Variants in ITCH observed in about 807,000 individuals in gnomAD.
The protein encoded by ITCH is E3 ubiquitin-protein ligase Itchy homolog.
Under a neutral mutation model 126.8 loss-of-function variants are expected in ITCH, and 28 were observed. That is an observed-to-expected ratio of 0.22 (90% CI 0.16 to 0.30). ITCH has a LOEUF of 0.30. Ranked by LOEUF, ITCH falls within the 10% of genes least tolerant of loss-of-function variation. ITCH has a pLI of 1.00. For synonymous variants in ITCH, 342 were observed against 340.0 expected, an observed-to-expected ratio of 1.01 and a Z score of -0.06; for missense variants, 631 against 1,032.4, an observed-to-expected ratio of 0.61 and a Z score of 5.33.
At chr20:34,402,110 A>C in intron 3 of ITCH, 1 of 861,342 alleles carries the variant, frequency 1.2e-6, no homozygotes, top group Non-Finnish European at 1.9e-6. Flanking sequence ...GTATGATGCC[A>C]ACACCAGCTA....
chr20:34,380,500 G>A (rs2038016065), intron 2 of ITCH, among the ~76,000 whole-genome samples: 1 of 149,358 alleles, frequency 6.7e-6, no homozygotes, highest in South Asian at 2.1e-4. Context: ...TTACTCAGTT[G>A]TAAGAGTTTA....
Position 34,493,676 on chromosome 20 carries a change from T to C in ITCH, c.2416+1079T>C, listed in dbSNP as rs559717762. On this transcript the variant is annotated intron_variant, in intron 23 of 24. Coordinates refer to ENST00000374864, the MANE Select transcript of ITCH (RefSeq NM_031483.7). ...GAAGTATAAAGAGTATGCATCGTTGTAGATGTTGGGGGAGGATGCTGAGCA... is the reference window on the plus strand; with the variant it reads ...GAAGTATAAAGAGTATGCATCGTTGCAGATGTTGGGGGAGGATGCTGAGCA... 3.9e-5 allele frequency among the ~76,000 whole-genome samples: 6 copies of C among 152,278 alleles called. No individual in the cohort carries two copies. The South Asian group carries it at 1.2e-3, about 32-fold the overall frequency.
intron 16 of ITCH, chr20:34,476,480 G>A (rs1348038693): frequency 2.3e-5 from 28 of 1,212,516 alleles, no homozygotes; most frequent in South Asian, 4.1e-5. Flanking sequence ...GCCATCGCCC[G>A]CGGTCGGGAA....
intron 23 of ITCH, among the ~76,000 whole-genome samples, chr20:34,503,693 G>A (rs984974686): frequency 2.0e-5 from 3 of 152,044 alleles, no homozygotes; most frequent in African/African-American, 7.2e-5. Flanking sequence ...AAGAATGCTA[G>A]ATGAAACTGC....
intron 6 of ITCH, among the ~76,000 whole-genome samples, chr20:34,418,211 T>TGA (rs1980223561): frequency 2.0e-5 from 3 of 152,056 alleles, no homozygotes; most frequent in Admixed American, 6.6e-5. Flanking sequence ...GCAATCCTCC[T>TGA]GCTTCGGCCT....
At chr20:34,492,698 G>C (rs1445940830) in intron 23 of ITCH, 101 bp downstream of exon 23, 2 of 804,386 alleles carry the variant, frequency 2.5e-6, no homozygotes, top group Admixed American at 3.5e-5. Context: ...GACAGGGATA[G>C]CCATTTTCTT....
intron 10 of ITCH, 81 bp downstream of exon 10, chr20:34,442,384 G>C: frequency 2.8e-6 from 3 of 1,065,468 alleles, no homozygotes; most frequent in Non-Finnish European, 4.3e-6. Context: ...CTACATTTCT[G>C]TTTTACTTTT....
intron 18 of ITCH, among the ~76,000 whole-genome samples, chr20:34,480,099 A>G (rs2378204): frequency 0.45 from 67,930 of 151,692 alleles, 15,750 homozygotes; most frequent in Non-Finnish European, 0.5. Context: ...GGGTTTTGCT[A>G]TGTTGGCCAG....
chr20:34,468,799 AAAG>A (rs1987336475), intron 14 of ITCH, among the ~76,000 whole-genome samples: 1 of 151,752 alleles, frequency 6.6e-6, no homozygotes, highest in African/African-American at 2.4e-5. Flanking sequence ...TCAAAAAAAA[AAAG>A]AAAGAAAAGA....
chr20:34,373,017 G>C (rs917010390), intron 2 of ITCH, among the ~76,000 whole-genome samples: 14 of 144,854 alleles, frequency 9.7e-5, no homozygotes, highest in Middle Eastern at 3.6e-3. Flanking sequence ...TCTTGTTGCC[G>C]AGGCTGGAGT....
chr20:34,412,499 CT>C lies in ITCH; in HGVS notation c.213-10del. 1 of 1,562,294 alleles carries C rather than the reference CT, an allele frequency of 6.4e-7. No individual in the cohort carries two copies. The highest frequency in any genetic ancestry group is 8.8e-7 in the Non-Finnish European group (1 of 1,133,828). On this transcript the variant is annotated splice_polypyrimidine_tract_variant and intron_variant, in intron 4 of 24. Coordinates refer to ENST00000374864, the MANE Select transcript of ITCH (RefSeq NM_031483.7). ...TCAATAAAAATAATATTTTTTCCCT[CT>C]TTTTTCACTTTTAGTATCGTTACCC...
intron 24 of ITCH, among the ~76,000 whole-genome samples, chr20:34,507,290 G>GTTTTTTTTTT (rs372382674): frequency 1.4e-5 from 1 of 70,006 alleles, no homozygotes; most frequent in Non-Finnish European, 2.7e-5. Context: ...TTTTTTTTTT[G>GTTTTTTTTTT]GTTGTTGTTG....
intron 6 of ITCH, 88 bp downstream of exon 6, chr20:34,413,967 T>C: frequency 8.6e-7 from 1 of 1,167,832 alleles, no homozygotes; most frequent in Non-Finnish European, 1.2e-6. Flanking sequence ...TTTTGATTTT[T>C]TTTTTCAGAT....
intron 2 of ITCH, among the ~76,000 whole-genome samples, chr20:34,375,878 CAGA>C (rs1402415919): frequency 6.6e-6 from 1 of 150,764 alleles, no homozygotes; most frequent in Non-Finnish European, 1.5e-5. Flanking sequence ...GGAAAGTTTT[CAGA>C]AGGTTAAAAA....
intron 14 of ITCH, among the ~76,000 whole-genome samples, chr20:34,463,969 A>T (rs1986781862): frequency 6.6e-6 from 1 of 150,714 alleles, no homozygotes; most frequent in South Asian, 2.1e-4. Context: ...TGATTTGTCA[A>T]TTTTTTCTTT....
intron 14 of ITCH, among the ~76,000 whole-genome samples, chr20:34,468,822 T>C (rs1987339587): frequency 6.6e-6 from 1 of 150,940 alleles, no homozygotes; most frequent in South Asian, 2.1e-4. Context: ...AAAAGAAATA[T>C]AAGATGTATA....
In ITCH at chr20:34,481,058, T is replaced by C. The variant is rs1392822593; in HGVS notation, c.1953-8T>C. The C allele has an allele frequency of 6.2e-6, 10 of 1,613,376 alleles. No homozygotes were observed. The highest frequency in any genetic ancestry group is 8.5e-6 in the Non-Finnish European group (10 of 1,179,498). On this transcript the variant is annotated splice_region_variant and splice_polypyrimidine_tract_variant and intron_variant, in intron 19 of 24. Coordinates refer to ENST00000374864, the MANE Select transcript of ITCH (RefSeq NM_031483.7). The stretch of plus-strand genomic sequence containing the variant: ...ATATAACAAATAGTGCTAATTTCAT[T>C]TGTGCAGGGAAAACAATATTGAGGA...
intron 6 of ITCH, among the ~76,000 whole-genome samples, chr20:34,420,727 G>A (rs1980647680): frequency 1.3e-5 from 2 of 151,928 alleles, no homozygotes; most frequent in South Asian, 4.2e-4. Context: ...AAATCCTTGG[G>A]TATATAAATG....
intron 16 of ITCH, chr20:34,476,032 C>A (rs1168081902): frequency 1.2e-5 from 19 of 1,527,228 alleles, no homozygotes; most frequent in Non-Finnish European, 1.7e-5. Flanking sequence ...GGCAGCCCAA[C>A]TGTGATCTGT....
Sources: gnomAD v4.1 joint callset for allele counts (sites outside exome capture counted in the v4.1 genomes callset) on GRCh38, gnomAD v4.1.1 for gene constraint, MANE v1.5 for transcripts, NCBI Gene and HGNC (gene_info 2026-07-23, HGNC 2026-07-21) for gene names.